The following ITGB5 variants were observed in gnomAD, a reference collection of about 807,000 sequenced individuals.
ITGB5 encodes the protein integrin subunit beta 5, also known as integrin beta-5.
In ITGB5, 38 loss-of-function variants were observed where a neutral mutation model predicts 84.8. The ratio of observed to expected loss-of-function variants is 0.45; its 90% CI spans 0.35 to 0.59. ITGB5 has a LOEUF of 0.59. ITGB5 is among the 20% of genes least tolerant of loss of function. The probability of loss-of-function intolerance (pLI) is 0.01; values close to 1 mark genes in which losing one functional copy is unlikely to be tolerated. For synonymous variants in ITGB5, 393 were observed against 414.4 expected (o/e 0.95, Z 0.63); for missense variants, 905 against 1,034.5 (o/e 0.87, Z 1.72).
upstream of ITGB5, among the ~76,000 whole-genome samples, chr3:124,891,109 A>G (rs1209876139): frequency 1.3e-5 from 2 of 152,212 alleles, no homozygotes; most frequent in Non-Finnish European, 2.9e-5. Flanking sequence ...GGGTTTGAGC[A>G]TGGATAACCA....
At chr3:124,891,258 C>A (rs147498397), upstream of ITGB5, among the ~76,000 whole-genome samples, 1 of 152,146 alleles carries the variant, frequency 6.6e-6, no homozygotes, top group African/African-American at 2.4e-5. Context: ...CAAACAGATA[C>A]CTGTACACCA....
chr3:124,764,868 G>A (rs184621535), intron 13 of ITGB5, among the ~76,000 whole-genome samples: 103 of 152,322 alleles, frequency 6.8e-4, no homozygotes, highest in African/African-American at 2.3e-3. Flanking sequence ...TGCTGGACCC[G>A]CTCAGCTTTC....
chr3:124,809,965 T>C (rs1394234060), intron 8 of ITGB5, among the ~76,000 whole-genome samples: 1 of 152,172 alleles, frequency 6.6e-6, no homozygotes, highest in Non-Finnish European at 1.5e-5. Context: ...CTACTAAAGC[T>C]TAGGCCAACC....
intron 10 of ITGB5, among the ~76,000 whole-genome samples, chr3:124,775,966 G>A (rs1025087701): frequency 6.6e-6 from 1 of 152,174 alleles, no homozygotes; most frequent in African/African-American, 2.4e-5. Flanking sequence ...CTTACCCAGG[G>A]GTCTCAGAGC....
intron 10 of ITGB5, among the ~76,000 whole-genome samples, chr3:124,795,512 TG>T (rs2064209756): frequency 6.6e-6 from 1 of 151,080 alleles, no homozygotes; most frequent in Non-Finnish European, 1.5e-5. Flanking sequence ...AGAGGAATTC[TG>T]GCAGGAAAAA....
At chr3:124,817,396 G>C (rs1020232780) in intron 8 of ITGB5, among the ~76,000 whole-genome samples, 1 of 152,198 alleles carries the variant, frequency 6.6e-6, no homozygotes, top group Non-Finnish European at 1.5e-5. Flanking sequence ...CTGCAGATGA[G>C]AGTCAAGATG....
chr3:124,859,185 C>T, intron 3 of ITGB5, 57 bp downstream of exon 3: 2 of 1,520,936 alleles, frequency 1.3e-6, no homozygotes, highest in Non-Finnish European at 1.8e-6. Context: ...CAAGTCCCAC[C>T]TCCCCCATGG....
rs1933958795 is a variant in ITGB5, at chr3:124,870,521, G to A, written c.156+2925C>T. Reference sequence around the variant, plus strand: ...AGGTGGGTGGATCACGAGGTCAGGAGTTCAAGACCAGCCTGGCCAAGACGG... The same window carrying A: ...AGGTGGGTGGATCACGAGGTCAGGAATTCAAGACCAGCCTGGCCAAGACGG... On this transcript the variant is annotated intron_variant, in intron 2 of 14. Coordinates refer to ENST00000296181, the MANE Select transcript of ITGB5 (RefSeq NM_002213.5). Among the ~76,000 whole-genome samples the A allele has an allele frequency of 1.3e-5, 2 of 152,200 alleles. 1 individual carries two copies. The highest frequency in any genetic ancestry group is 4.1e-4 in the South Asian group (2 of 4,826).
intron 1 of ITGB5, among the ~76,000 whole-genome samples, chr3:124,896,009 G>T (rs1423604986): frequency 6.6e-6 from 1 of 152,206 alleles, no homozygotes; most frequent in Non-Finnish European, 1.5e-5. Context: ...GCACTTGGCA[G>T]CAGGCTCTAC....
At chr3:124,899,685 C>T (rs1255282321) in intron 1 of ITGB5, among the ~76,000 whole-genome samples, 3 of 151,556 alleles carry the variant, frequency 2.0e-5, no homozygotes, top group East Asian at 1.9e-4. Context: ...GAGACTTCAT[C>T]GCTCCAAAAT....
intron 10 of ITGB5, among the ~76,000 whole-genome samples, chr3:124,789,106 T>C (rs971451866): frequency 6.6e-6 from 1 of 152,192 alleles, no homozygotes; most frequent in African/African-American, 2.4e-5. Context: ...TAACAAGCCA[T>C]TTGTGAAATA....
At chr3:124,796,316 CAGGCTTT>C in intron 10 of ITGB5, 65 bp downstream of exon 10, 2 of 1,360,238 alleles carry the variant, frequency 1.5e-6, no homozygotes, top group South Asian at 2.7e-5. Context: ...GAGTAAAAGG[CAGGCTTT>C]GGGAGGGTGT....
Position 124,873,497 on chromosome 3 carries a change from T to A in ITGB5, c.105A>T (p.Ser35=), listed in dbSNP as rs1303536231. The A allele has an allele frequency of 1.9e-6, 3 of 1,613,774 alleles. No homozygotes were observed. The highest frequency in any genetic ancestry group is 1.7e-5 in the Admixed American group (1 of 59,976). The change falls in exon 2 of 15, where the codon TCA becomes TCT. Residue 35 remains serine (S), a synonymous_variant. Coordinates refer to ENST00000296181, the MANE Select transcript of ITGB5 (RefSeq NM_002213.5). ...GGTGGATTAGCAGACATTCTTCACATGAGGTGGCACTTCCACTAGTGCATA... is the reference window on the plus strand; with the variant it reads ...GGTGGATTAGCAGACATTCTTCACAAGAGGTGGCACTTCCACTAGTGCATA... ...LNICTSGSAT[S]CEECLLIHPK... is the part of the protein sequence containing the mutation.
At chr3:124,898,505 G>A (rs1035781062) in intron 1 of ITGB5, among the ~76,000 whole-genome samples, 5 of 151,364 alleles carry the variant, frequency 3.3e-5, no homozygotes, top group South Asian at 2.1e-4. Context: ...ATAGCCAGGC[G>A]TGGTGGCAGG....
rs142290543 is a variant in ITGB5 at position 124,781,285 on chromosome 3, A to C, written c.1694-7373T>G. 237 of 152,254 alleles carry C rather than the reference A, an allele frequency of 1.6e-3. 1 individual carries two copies. Among genetic ancestry groups the C allele is most frequent in the African/African-American group, 5.4e-3 (223 of 41,536 alleles). 9.4% of individuals were successfully genotyped at this position (152,254 alleles called of 1,614,324 possible). On this transcript the variant is annotated intron_variant, in intron 10 of 14. Transcript: ENST00000296181. ...GGGCTTTGAAGATTTCCTGGGGGGA[A>C]ATCCCTCCTAAGAAGCGCTATTCCT...
At chr3:124,811,292 CGCATG>C (rs913075315) in intron 8 of ITGB5, among the ~76,000 whole-genome samples, 6 of 152,128 alleles carry the variant, frequency 3.9e-5, no homozygotes, top group Non-Finnish European at 7.3e-5. Flanking sequence ...AATGAATAAA[CGCATG>C]GATGGGTAGA....
At chr3:124,831,554 T>A (rs1236036462) in intron 5 of ITGB5, among the ~76,000 whole-genome samples, 1 of 152,152 alleles carries the variant, frequency 6.6e-6, no homozygotes, top group Non-Finnish European at 1.5e-5. Flanking sequence ...AACGTCCCAC[T>A]CAGCTGTCGG....
chr3:124,860,037 ATCT>A (rs1252412989), intron 2 of ITGB5, among the ~76,000 whole-genome samples: 1 of 152,234 alleles, frequency 6.6e-6, no homozygotes, highest in Non-Finnish European at 1.5e-5. Context: ...TTCACTTATC[ATCT>A]TTCACAGGCA....
chr3:124,851,916 C>T (rs1268375419), intron 3 of ITGB5, among the ~76,000 whole-genome samples: 2 of 152,078 alleles, frequency 1.3e-5, no homozygotes, highest in Admixed American at 1.3e-4. Context: ...CAACAACTCC[C>T]CAAAAAGGGA....
Sources: allele counts gnomAD v4.1 joint callset (sites outside exome capture counted in the v4.1 genomes callset), GRCh38; gene constraint gnomAD v4.1.1; transcripts MANE v1.5; gene names NCBI Gene and HGNC (gene_info 2026-07-23, HGNC 2026-07-21).